Variants in BMAL2 observed in about 807,000 individuals in gnomAD.
BMAL2 encodes the protein basic helix-loop-helix ARNT like 2, also known as basic helix-loop-helix ARNT-like protein 2.
chr12:27,376,903 A>G, the BMAL2 span, among the ~76,000 whole-genome samples: 1 of 148,036 alleles, frequency 6.8e-6, no homozygotes, highest in African/African-American at 2.5e-5. Flanking sequence ...GGGGGGACTG[A>G]GGCAGGAGAA....
At chr12:27,411,562 G>A in the BMAL2 span, among the ~76,000 whole-genome samples, 71 of 152,206 alleles carry the variant, frequency 4.7e-4, no homozygotes, top group Admixed American at 2.6e-4. Context: ...AGTCTGCAGT[G>A]AGCTAGTCAT....
the BMAL2 span, among the ~76,000 whole-genome samples, chr12:27,339,750 C>G: frequency 3.9e-5 from 6 of 152,166 alleles, no homozygotes; most frequent in African/African-American, 1.4e-4. Context: ...TCAGCCTCCC[C>G]AGCAGCTGGA....
chr12:27,409,006 A>G, the BMAL2 span, among the ~76,000 whole-genome samples: 1 of 152,230 alleles, frequency 6.6e-6, no homozygotes, highest in Non-Finnish European at 1.5e-5. Context: ...TGCTTCAAAG[A>G]GAATAAAATA....
At chr12:27,367,043 A>G in the BMAL2 span, among the ~76,000 whole-genome samples, 1,100 of 152,350 alleles carry the variant, frequency 7.2e-3, 11 homozygotes, top group African/African-American at 0.025. Context: ...CTATACATAC[A>G]TACCTATGAT....
the BMAL2 span, among the ~76,000 whole-genome samples, chr12:27,353,479 G>T: frequency 6.6e-6 from 1 of 152,262 alleles, no homozygotes; most frequent in East Asian, 1.9e-4. Context: ...AACCCTAGAA[G>T]AAAACCTAGA....
chr12:27,411,400 T>C, the BMAL2 span, among the ~76,000 whole-genome samples: 16 of 151,938 alleles, frequency 1.1e-4, no homozygotes, highest in East Asian at 7.7e-4. Flanking sequence ...GAGGATCACT[T>C]GAGGCTAGGA....
At chr12:27,384,236 T>C in the BMAL2 span, among the ~76,000 whole-genome samples, 25 of 152,190 alleles carry the variant, frequency 1.6e-4, no homozygotes, top group Non-Finnish European at 1.9e-4. Context: ...ATTCCCTTAC[T>C]CCTCCCAGGT....
the BMAL2 span, among the ~76,000 whole-genome samples, chr12:27,414,303 G>A: frequency 1.7e-3 from 261 of 152,138 alleles, no homozygotes; most frequent in Non-Finnish European, 2.7e-3. Flanking sequence ...TGGAAACAGT[G>A]GACTTGACTA....
the BMAL2 span, among the ~76,000 whole-genome samples, chr12:27,408,122 G>A: frequency 1.3e-5 from 2 of 152,136 alleles, no homozygotes; most frequent in South Asian, 4.2e-4. Flanking sequence ...ACCAAAAAAA[G>A]TCCAGGACCA....
the BMAL2 span, among the ~76,000 whole-genome samples, chr12:27,379,645 G>A: frequency 3.9e-5 from 6 of 152,090 alleles, no homozygotes; most frequent in South Asian, 2.1e-4. Context: ...GAGGATCTTC[G>A]CTGGGACAGT....
chr12:27,389,111 T>C, the BMAL2 span: 16 of 1,010,336 alleles, frequency 1.6e-5, 1 homozygote, highest in South Asian at 2.0e-4. Context: ...AGAACATTTA[T>C]TGTATGCATC....
At chr12:27,402,350 A>G in the BMAL2 span, among the ~76,000 whole-genome samples, 2 of 152,162 alleles carry the variant, frequency 1.3e-5, no homozygotes, top group Non-Finnish European at 2.9e-5. Context: ...CACCCATCCC[A>G]GTAGTCTTTG....
chr12:27,420,147 T>G, the BMAL2 span, among the ~76,000 whole-genome samples: 5 of 152,166 alleles, frequency 3.3e-5, no homozygotes, highest in Non-Finnish European at 7.4e-5. Flanking sequence ...ACTAGCTTAC[T>G]TCTCTGTAGC....
At chr12:27,341,587 G>A in the BMAL2 span, among the ~76,000 whole-genome samples, 11 of 152,216 alleles carry the variant, frequency 7.2e-5, no homozygotes, top group Admixed American at 3.3e-4. Flanking sequence ...ATTTATTTCC[G>A]TGACAGCCTA....
chr12:27,383,584 A>C, the BMAL2 span, among the ~76,000 whole-genome samples: 1 of 152,102 alleles, frequency 6.6e-6, no homozygotes, highest in Non-Finnish European at 1.5e-5. Context: ...GCTGATGTAC[A>C]CCGACGGGGT....
chr12:27,387,146 G>C, the BMAL2 span: 4 of 905,186 alleles, frequency 4.4e-6, no homozygotes, highest in East Asian at 7.6e-5. Context: ...AATTTCCTCA[G>C]AATCTGAATG....
the BMAL2 span, among the ~76,000 whole-genome samples, chr12:27,411,438 G>A: frequency 5.3e-5 from 8 of 151,816 alleles, no homozygotes; most frequent in South Asian, 1.2e-3. Context: ...GCAACATATC[G>A]AGACCCCATC....
the BMAL2 span, chr12:27,385,343 G>GAA: frequency 1.3e-5 from 7 of 520,736 alleles, no homozygotes; most frequent in African/African-American, 4.0e-5. Flanking sequence ...AAATGAAAAT[G>GAA]AAAAAAAAAA....
At chr12:27,420,019 G>GCGCGCGCGCGCGCGCGCACACA in the BMAL2 span, among the ~76,000 whole-genome samples, 4 of 147,478 alleles carry the variant, frequency 2.7e-5, no homozygotes, top group African/African-American at 1.0e-4. Context: ...GTTTGCGCGT[G>GCGCGCGCGCGCGCGCGCACACA]CACACACACA....
Sources: gnomAD v4.1 joint callset for allele counts (sites outside exome capture counted in the v4.1 genomes callset) on GRCh38, gnomAD v4.1.1 for gene constraint, MANE v1.5 for transcripts, NCBI Gene and HGNC (gene_info 2026-07-23, HGNC 2026-07-21) for gene names.